The following SGCZ variants were observed in gnomAD, a reference collection of about 807,000 sequenced individuals.
SGCZ encodes sarcoglycan zeta.
Under a neutral mutation model 41.3 loss-of-function variants are expected in SGCZ, and 40 were observed. The ratio of observed to expected loss-of-function variants is 0.97; its 90% CI spans 0.75 to 1.26. SGCZ has a LOEUF of 1.26. Among genes scored for constraint, SGCZ ranks in the 50% most tolerant of loss-of-function variants. The probability of loss-of-function intolerance (pLI) is 0.00; values close to 1 mark genes in which losing one functional copy is unlikely to be tolerated. For missense variants in SGCZ, 552 were observed against 369.8 expected (o/e 1.49, Z -4.04); for synonymous variants, 206 against 137.5 (o/e 1.50, Z -3.49).
At chr8:14,108,625 A>C (rs1178741943) in intron 5 of SGCZ, among the ~76,000 whole-genome samples, 3 of 152,080 alleles carry the variant, frequency 2.0e-5, no homozygotes, top group Non-Finnish European at 2.9e-5. Context: ...ATTATCTCCC[A>C]CCAGGTCCCT....
chr8:14,744,768 A>T (rs1447706572), intron 1 of SGCZ, among the ~76,000 whole-genome samples: 2 of 152,182 alleles, frequency 1.3e-5, no homozygotes, highest in African/African-American at 2.4e-5. Context: ...AATACCTTTC[A>T]GTCATTCATT....
intron 1 of SGCZ, among the ~76,000 whole-genome samples, chr8:15,035,657 T>C (rs796404331): frequency 4.6e-5 from 7 of 152,140 alleles, no homozygotes; most frequent in African/African-American, 1.7e-4. Flanking sequence ...AGATATTCCA[T>C]GCATATGGAC....
At chr8:14,264,690 G>C (rs537501145) in intron 3 of SGCZ, among the ~76,000 whole-genome samples, 1 of 152,142 alleles carries the variant, frequency 6.6e-6, no homozygotes, top group Non-Finnish European at 1.5e-5. Context: ...TGCCGGGAGC[G>C]GAGTCTCACG....
chr8:14,180,567 G>A (rs974353557), intron 4 of SGCZ, among the ~76,000 whole-genome samples: 1 of 151,878 alleles, frequency 6.6e-6, no homozygotes, highest in Non-Finnish European at 1.5e-5. Context: ...AAAAAAAAAT[G>A]ACCTGTTAAA....
intron 5 of SGCZ, among the ~76,000 whole-genome samples, chr8:14,139,727 T>C (rs1239170712): frequency 6.6e-6 from 1 of 152,106 alleles, no homozygotes; most frequent in Non-Finnish European, 1.5e-5. Flanking sequence ...CAGGACTTCA[T>C]GGATTCACAG....
At chr8:14,754,357 TC>T (rs1799591636) in intron 1 of SGCZ, among the ~76,000 whole-genome samples, 1 of 152,182 alleles carries the variant, frequency 6.6e-6, no homozygotes, top group Non-Finnish European at 1.5e-5. Flanking sequence ...TCAACCTCTC[TC>T]TGTTTTTCTT....
At chr8:14,397,288 T>C (rs1217047206) in intron 2 of SGCZ, among the ~76,000 whole-genome samples, 1 of 152,154 alleles carries the variant, frequency 6.6e-6, no homozygotes, top group Non-Finnish European at 1.5e-5. Flanking sequence ...GAATATAGTA[T>C]TTCTGATGTA....
intron 3 of SGCZ, among the ~76,000 whole-genome samples, chr8:14,252,872 A>G (rs1360479994): frequency 6.6e-6 from 1 of 152,166 alleles, no homozygotes; most frequent in East Asian, 1.9e-4. Flanking sequence ...TCTGAAATTT[A>G]CTTCACCATA....
At chr8:14,354,748 A>T (rs1310120718) in intron 2 of SGCZ, among the ~76,000 whole-genome samples, 1 of 151,850 alleles carries the variant, frequency 6.6e-6, no homozygotes, top group Non-Finnish European at 1.5e-5. Flanking sequence ...AATTTCTAAA[A>T]AATACTTGCT....
intron 1 of SGCZ, among the ~76,000 whole-genome samples, chr8:15,201,887 A>G (rs1269369537): frequency 6.6e-6 from 1 of 152,216 alleles, no homozygotes; most frequent in Non-Finnish European, 1.5e-5. Context: ...TATAAAAAAT[A>G]TCAAGCCAAT....
At chr8:14,537,357 G>C (rs1803327689) in intron 2 of SGCZ, among the ~76,000 whole-genome samples, 1 of 151,874 alleles carries the variant, frequency 6.6e-6, no homozygotes, top group Admixed American at 6.6e-5. Flanking sequence ...TTTCCACTCA[G>C]TTTTGGGGCA....
intron 1 of SGCZ, among the ~76,000 whole-genome samples, chr8:15,162,264 C>A (rs528513936): frequency 6.6e-6 from 1 of 152,174 alleles, no homozygotes; most frequent in Admixed American, 6.5e-5. Flanking sequence ...AGATTAAAGA[C>A]ACATAAAGAA....
intron 1 of SGCZ, among the ~76,000 whole-genome samples, chr8:14,875,060 G>A (rs182786510): frequency 6.6e-6 from 1 of 152,158 alleles, no homozygotes; most frequent in South Asian, 2.1e-4. Flanking sequence ...AACAAATGGA[G>A]ACCAGGTTAT....
At chr8:14,781,928 A>G (rs190239945) in intron 1 of SGCZ, among the ~76,000 whole-genome samples, 1 of 152,188 alleles carries the variant, frequency 6.6e-6, no homozygotes, top group South Asian at 2.1e-4. Context: ...ATGGGTATTA[A>G]AAGTATGGTT....
chr8:14,777,111 C>T (rs911108478), intron 1 of SGCZ, among the ~76,000 whole-genome samples: 3 of 152,158 alleles, frequency 2.0e-5, no homozygotes, highest in African/African-American at 4.8e-5. Context: ...GATTATGTCA[C>T]TCTGGCTTAA....
At chr8:14,114,624 A>T (rs747704353) in intron 5 of SGCZ, among the ~76,000 whole-genome samples, 10 of 152,012 alleles carry the variant, frequency 6.6e-5, no homozygotes, top group Non-Finnish European at 1.5e-4. Context: ...GTCAGAAGAC[A>T]AAAAGAGATA....
chr8:14,540,493 A>G (rs1051633093), intron 2 of SGCZ, among the ~76,000 whole-genome samples: 1 of 151,152 alleles, frequency 6.6e-6, no homozygotes, highest in Non-Finnish European at 1.5e-5. Flanking sequence ...TCGTCTTTAC[A>G]ATTTTTATCA....
intron 5 of SGCZ, among the ~76,000 whole-genome samples, chr8:14,136,456 G>T (rs562662595): frequency 6.6e-6 from 1 of 152,058 alleles, no homozygotes; most frequent in African/African-American, 2.4e-5. Flanking sequence ...CTAATACTGC[G>T]CTTTTCCAAT....
At chr8:14,530,964 T>C (rs955144072) in intron 2 of SGCZ, among the ~76,000 whole-genome samples, 1 of 152,026 alleles carries the variant, frequency 6.6e-6, no homozygotes, top group Non-Finnish European at 1.5e-5. Flanking sequence ...GGCAGACAAG[T>C]TCCCAGGTGG....
Sources: gnomAD v4.1 joint callset for allele counts (sites outside exome capture counted in the v4.1 genomes callset) on GRCh38, gnomAD v4.1.1 for gene constraint, MANE v1.5 for transcripts, NCBI Gene and HGNC (gene_info 2026-07-23, HGNC 2026-07-21) for gene names.